KAZN: variants seen among roughly 807,000 people sequenced by gnomAD.
KAZN encodes the protein kazrin, periplakin interacting protein.
KAZN carries 40 observed loss-of-function variants against 87.4 expected under a neutral mutation model. The observed-to-expected ratio is 0.46, with a 90% confidence interval of 0.36 to 0.60. The LOEUF (loss-of-function observed/expected upper bound fraction) is 0.60, where lower values mean the gene tolerates loss of function less well. KAZN is among the 20% of genes least tolerant of loss of function. KAZN has a pLI of 0.00. For synonymous variants in KAZN, 466 were observed against 458.3 expected (o/e 1.02, Z -0.22); for missense variants, 898 against 1,073.9 (o/e 0.84, Z 2.29).
chr1:14,871,152 C>A (rs577012702), intron 1 of KAZN, among the ~76,000 whole-genome samples: 2 of 152,350 alleles, frequency 1.3e-5, no homozygotes, highest in East Asian at 1.9e-4. Flanking sequence ...CACCACCACA[C>A]GGCACCTATG....
At chr1:14,784,502 T>C (rs2100659764) in intron 1 of KAZN, among the ~76,000 whole-genome samples, 1 of 152,274 alleles carries the variant, frequency 6.6e-6, no homozygotes, top group Admixed American at 6.5e-5. Flanking sequence ...CTCACACCTG[T>C]AATCCCAGCA....
chr1:13,990,230 T>G (rs1215073730), intron 1 of KAZN, among the ~76,000 whole-genome samples: 1 of 152,108 alleles, frequency 6.6e-6, no homozygotes, highest in East Asian at 1.9e-4. Flanking sequence ...ACAAGAATGT[T>G]CATAGCAGCC....
At chr1:14,297,040 A>G (rs1002231011) in intron 2 of KAZN, among the ~76,000 whole-genome samples, 1 of 152,202 alleles carries the variant, frequency 6.6e-6, no homozygotes, top group African/African-American at 2.4e-5. Context: ...GGGATTATCC[A>G]GAGGCCAAGG....
At chr1:14,872,670 C>T (rs1437738352) in intron 1 of KAZN, among the ~76,000 whole-genome samples, 1 of 152,224 alleles carries the variant, frequency 6.6e-6, no homozygotes, top group Non-Finnish European at 1.5e-5. Context: ...TCTCCCTTCA[C>T]ATTTGAAGGA....
At chr1:14,572,203 G>C (rs1557808482) in intron 2 of KAZN, among the ~76,000 whole-genome samples, 1 of 152,300 alleles carries the variant, frequency 6.6e-6, no homozygotes, top group East Asian at 1.9e-4. Context: ...TGGCTCTACA[G>C]GTTATTTCAG....
intron 2 of KAZN, among the ~76,000 whole-genome samples, chr1:14,488,742 A>T (rs1669484626): frequency 1.3e-5 from 2 of 152,162 alleles, no homozygotes; most frequent in Admixed American, 1.3e-4. Context: ...AATTCCTGCG[A>T]TGTCTGAGAA....
Position 15,094,666 on chromosome 1 carries a change from G to C in KAZN, c.1429-149G>C. Reference sequence around the variant, plus strand: ...AACAGGGATTCCGCCCCACATCAGAGTTGCAGAGGTTTCCATGTGCCCTGA... The same window carrying C: ...AACAGGGATTCCGCCCCACATCAGACTTGCAGAGGTTTCCATGTGCCCTGA... On this transcript the variant is annotated intron_variant, in intron 9 of 14. Transcript: ENST00000376030. The surrounding 1 kb of genome is among the most constrained non-coding windows in gnomAD (Gnocchi z 4.5). The C allele has an allele frequency of 4.6e-6, 3 of 651,418 alleles. No homozygotes were observed. Among genetic ancestry groups the C allele is most frequent in the Non-Finnish European group, 7.9e-6 (3 of 380,418 alleles). The allele number at this position is 651,418 out of a possible 1,614,324, so 40.4% of individuals were successfully genotyped here.
At chr1:14,631,395 A>C (rs940605297) in intron 1 of KAZN, among the ~76,000 whole-genome samples, 8 of 152,176 alleles carry the variant, frequency 5.3e-5, no homozygotes, top group African/African-American at 1.9e-4. Flanking sequence ...TAGGGCTGGG[A>C]ATTACCATCA....
At chr1:14,291,689 C>T (rs763206423) in intron 2 of KAZN, among the ~76,000 whole-genome samples, 13 of 152,330 alleles carry the variant, frequency 8.5e-5, no homozygotes, top group Non-Finnish European at 1.5e-4. Context: ...CCATGGGCTG[C>T]ACCCACTGCC....
chr1:14,736,465 A>ATTTTTTT (rs756285598), intron 1 of KAZN, among the ~76,000 whole-genome samples: 1 of 108,042 alleles, frequency 9.3e-6, no homozygotes, highest in African/African-American at 3.8e-5. Flanking sequence ...CACCCAGCTA[A>ATTTTTTT]TTTTTTTTTT....
Position 14,082,904 on chromosome 1 carries a change from C to G in KAZN, c.92-97531C>G, listed in dbSNP as rs565425366. On this transcript the variant is annotated intron_variant, in intron 1 of 16. Transcript: ENST00000636203. ...ATGTTTCAAGAAATATAATTAGAATCAAATACAAGGGCCAGGCGTGGTGGC... is the reference window on the plus strand; with the variant it reads ...ATGTTTCAAGAAATATAATTAGAATGAAATACAAGGGCCAGGCGTGGTGGC... Among the ~76,000 whole-genome samples, 6 of 152,202 alleles carry G rather than the reference C, an allele frequency of 3.9e-5. No homozygotes were observed. The East Asian group carries it at 1.2e-3, about 30-fold the overall frequency.
intron 2 of KAZN, among the ~76,000 whole-genome samples, chr1:14,201,769 G>A (rs1016755744): frequency 6.6e-6 from 1 of 152,182 alleles, no homozygotes; most frequent in Admixed American, 6.5e-5. Flanking sequence ...CCCAGGTTGA[G>A]GTGATTCTCC....
At chr1:14,366,348 G>A (rs918502935) in intron 2 of KAZN, among the ~76,000 whole-genome samples, 1 of 152,148 alleles carries the variant, frequency 6.6e-6, no homozygotes, top group Admixed American at 6.5e-5. Context: ...AATCTTGCTG[G>A]GACAGTGCAA....
intron 1 of KAZN, among the ~76,000 whole-genome samples, chr1:14,936,691 A>G (rs972896793): frequency 2.4e-4 from 36 of 152,114 alleles, no homozygotes; most frequent in African/African-American, 8.0e-4. Flanking sequence ...CTGACAGCTG[A>G]GCAGGACGAA....
At chr1:14,581,540 G>A (rs1675546982) in intron 2 of KAZN, among the ~76,000 whole-genome samples, 2 of 152,136 alleles carry the variant, frequency 1.3e-5, no homozygotes, top group Admixed American at 1.3e-4. Flanking sequence ...GCGTGCCAAA[G>A]CATAAATCAT....
chr1:14,713,503 T>C (rs1325719331), intron 1 of KAZN, among the ~76,000 whole-genome samples: 1 of 151,950 alleles, frequency 6.6e-6, no homozygotes, highest in Non-Finnish European at 1.5e-5. Flanking sequence ...CCAGGAGACA[T>C]CTGGAGATAT....
intron 1 of KAZN, among the ~76,000 whole-genome samples, chr1:14,775,286 A>T (rs1645143012): frequency 1.3e-5 from 2 of 152,262 alleles, no homozygotes; most frequent in Admixed American, 6.5e-5. Context: ...ACAGTAGCAC[A>T]GAAGTGGCTT....
chr1:14,009,818 A>G (rs140970225), intron 1 of KAZN, among the ~76,000 whole-genome samples: 138 of 152,328 alleles, frequency 9.1e-4, no homozygotes, highest in Admixed American at 7.7e-3. Flanking sequence ...GTATACCAGG[A>G]TATGTGCAGA....
At chr1:14,404,688 A>G (rs1467492747) in intron 2 of KAZN, among the ~76,000 whole-genome samples, 2 of 152,254 alleles carry the variant, frequency 1.3e-5, no homozygotes, top group Admixed American at 6.5e-5. Context: ...GGCTCTATTC[A>G]TAAGATGCAT....
Sources: gnomAD v4.1 joint callset for allele counts (sites outside exome capture counted in the v4.1 genomes callset) on GRCh38, gnomAD v4.1.1 for gene constraint, Gnocchi (gnomAD v3.1) non-coding constraint, MANE v1.5 for transcripts, NCBI Gene and HGNC (gene_info 2026-07-23, HGNC 2026-07-21) for gene names.